The following FRAS1 variants were observed in gnomAD, a reference collection of about 807,000 sequenced individuals.
FRAS1 encodes Fraser extracellular matrix complex subunit 1.
Under a neutral mutation model 435.2 loss-of-function variants are expected in FRAS1, and 290 were observed. The ratio of observed to expected loss-of-function variants is 0.67; its 90% confidence interval spans 0.61 to 0.73. The LOEUF is 0.73. Ranked by LOEUF, FRAS1 falls within the 30% of genes least tolerant of loss-of-function variation. The probability of loss-of-function intolerance (pLI) is 0.00; values close to 1 mark genes in which losing one functional copy is unlikely to be tolerated. For missense variants in FRAS1, 4,860 were observed against 5,001.5 expected, an observed-to-expected ratio of 0.97 and a Z score of 0.85; for synonymous variants, 1,800 against 1,851.0, an observed-to-expected ratio of 0.97 and a Z score of 0.71.
intron 26 of FRAS1, among the ~76,000 whole-genome samples, chr4:78,378,328 G>A (rs1731864569): frequency 6.6e-6 from 1 of 152,128 alleles, no homozygotes; most frequent in African/African-American, 2.4e-5. Flanking sequence ...ATTAAACAAT[G>A]AATGGACTTT....
At position 78,451,778 on chromosome 4, in the gene FRAS1, T is replaced by A. The variant is rs749781497; in HGVS notation, c.6470T>A (p.Val2157Glu). ...TTTTTTTTCCTTTTTATAGGCCACGTAGAATATAGTCATGGAACAGGAGAA... is the reference window on the plus strand; with the variant it reads ...TTTTTTTTCCTTTTTATAGGCCACGAAGAATATAGTCATGGAACAGGAGAA... ...FTQADISQGH[V>E]EYSHGTGEPG... Residue 2157 changes from valine to glutamate, a missense_variant, in exon 46 of 74, where the codon GTA becomes GAA. Val to Glu is a moderately radical substitution (Grantham distance 121, BLOSUM62 -2). Coordinates refer to ENST00000512123, the MANE Select transcript of FRAS1 (RefSeq NM_025074.7). 6.2e-7 allele frequency: 1 copy of A among 1,604,192 alleles called. No homozygotes were observed. Among genetic ancestry groups the A allele is most frequent in the East Asian group, 2.2e-5 (1 of 44,828 alleles).
intron 2 of FRAS1, among the ~76,000 whole-genome samples, chr4:78,106,226 C>T (rs1450297683): frequency 1.1e-5 from 1 of 91,182 alleles, no homozygotes; most frequent in Non-Finnish European, 2.3e-5. Flanking sequence ...CTGGGAAGCT[C>T]GAACTGGGTG....
intron 12 of FRAS1, 107 bp downstream of exon 12, chr4:78,283,074 C>A: frequency 2.4e-6 from 2 of 822,962 alleles, no homozygotes; most frequent in Non-Finnish European, 3.4e-6. Flanking sequence ...TTTTAGTTAA[C>A]CAATGGGTTT....
intron 71 of FRAS1, among the ~76,000 whole-genome samples, chr4:78,535,746 C>T (rs933077071): frequency 3.9e-5 from 6 of 152,180 alleles, no homozygotes; most frequent in Non-Finnish European, 8.8e-5. Context: ...TTGTCCTTGA[C>T]CCATTTGCCA....
rs569853972 is a variant in FRAS1, at chr4:78,454,416, C to G, written c.6763+2062C>G. On this transcript the variant is annotated intron_variant, in intron 47 of 73. Transcript: ENST00000512123. ...CAATGGTGGAGGAGGGCATGTAGTA[C>G]GTGTATGGCAGGAGGGCATGCAGAG... Among the ~76,000 whole-genome samples, 4 of 152,104 alleles carry G rather than the reference C, an allele frequency of 2.6e-5. No homozygotes were observed. In the East Asian group the frequency reaches 7.7e-4, roughly 29 times the overall value.
At chr4:78,306,115 C>T (rs979116614) in intron 14 of FRAS1, among the ~76,000 whole-genome samples, 1 of 152,006 alleles carries the variant, frequency 6.6e-6, no homozygotes, top group Non-Finnish European at 1.5e-5. Flanking sequence ...TTCTTCTTCA[C>T]TTATGAAGGT....
chr4:78,179,666 T>C (rs1410618093), intron 2 of FRAS1, among the ~76,000 whole-genome samples: 1 of 152,212 alleles, frequency 6.6e-6, no homozygotes, highest in African/African-American at 2.4e-5. Flanking sequence ...TCTAAGGGAA[T>C]TGACTTTCAT....
intron 4 of FRAS1, among the ~76,000 whole-genome samples, chr4:78,247,452 T>A (rs953716756): frequency 6.6e-6 from 1 of 152,214 alleles, no homozygotes; most frequent in African/African-American, 2.4e-5. Context: ...GGATTTTTTT[T>A]AAGGCGAGAC....
chr4:78,412,133 T>C (rs1733363791), intron 31 of FRAS1, among the ~76,000 whole-genome samples: 1 of 149,892 alleles, frequency 6.7e-6, no homozygotes, highest in Non-Finnish European at 1.5e-5. Context: ...AGGCATCTGA[T>C]GTGATCAAGA....
chr4:78,295,722 T>C (rs1231259874), intron 14 of FRAS1, among the ~76,000 whole-genome samples: 1 of 152,106 alleles, frequency 6.6e-6, no homozygotes, highest in Non-Finnish European at 1.5e-5. Context: ...TCTTATTGTT[T>C]TGTATGCCTG....
rs751518402 is a variant in FRAS1, at chr4:78,387,368, T to A, written c.3649-7T>A. On this transcript the variant is annotated splice_region_variant and splice_polypyrimidine_tract_variant and intron_variant, in intron 28 of 73. Coordinates refer to ENST00000512123, the MANE Select transcript of FRAS1 (RefSeq NM_025074.7). ...TTAACTGACTCTTCTTCCCTTCAAC[T>A]CCACAGGCCCCCTATGTGCTGAGAA... 6.3e-7 allele frequency: 1 copy of A among 1,589,260 alleles called. No homozygotes were observed. Among genetic ancestry groups the A allele is most frequent in the South Asian group, 1.2e-5 (1 of 86,848 alleles).
intron 52 of FRAS1, 135 bp from the exon 53 acceptor site, chr4:78,473,303 T>C: frequency 3.2e-6 from 2 of 632,236 alleles, no homozygotes; most frequent in East Asian, 5.4e-5. Context: ...TAACAACTAC[T>C]ATACTTTTGG....
rs765465475 is a variant in FRAS1, at chr4:78,534,614, A to T, written c.11091A>T (p.Lys3697Asn). 2 of 1,612,246 alleles carry T rather than the reference A, an allele frequency of 1.2e-6. No individual in the cohort carries two copies. The highest frequency in any genetic ancestry group is 1.7e-6 in the Non-Finnish European group (2 of 1,178,840). Residue 3697 changes from lysine (K) to asparagine (N), a missense_variant and splice_region_variant, in exon 71 of 74, where the codon AAA (lysine) becomes AAT (asparagine). Physicochemically the swap from Lys to Asn is moderately conservative, Grantham distance 94. Coordinates refer to ENST00000512123, the MANE Select transcript of FRAS1 (RefSeq NM_025074.7). ...AEMDYKGAFSKGQILYGRVLW... is the reference protein window; with the variant it reads ...AEMDYKGAFSNGQILYGRVLW... ...TGGATTACAAAGGAGCCTTTTCAAA[A>T]GGTGAGTTGCTTCCTCCACCTGCAG...
At chr4:78,064,243 G>A (rs1006388655) in intron 1 of FRAS1, among the ~76,000 whole-genome samples, 1 of 150,594 alleles carries the variant, frequency 6.6e-6, no homozygotes, top group East Asian at 1.9e-4. Context: ...AATAGGGAGT[G>A]TCTATAAAAT....
At chr4:78,509,093 G>A in intron 63 of FRAS1, 87 bp downstream of exon 63, 3 of 1,422,608 alleles carry the variant, frequency 2.1e-6, no homozygotes, top group Non-Finnish European at 2.9e-6. Context: ...AATTCCTTAT[G>A]GTCCATGCAT....
Position 78,317,455 on chromosome 4 carries a change from A to G in FRAS1, c.1907A>G (p.His636Arg), listed in dbSNP as rs772407685. 2.5e-6 allele frequency: 4 copies of G among 1,613,890 alleles called. No individual in the cohort carries two copies. Among genetic ancestry groups the G allele is most frequent in the South Asian group, 1.1e-5 (1 of 91,074 alleles). Residue 636 changes from histidine (H) to arginine (R), a missense_variant, in exon 17 of 74, where the codon CAC becomes CGC. By Grantham distance (29) the His-to-Arg change is conservative (BLOSUM62 0). Coordinates refer to ENST00000512123, the MANE Select transcript of FRAS1 (RefSeq NM_025074.7). ...CCCCCCAAGGCTCTGCGTCAAGGCC[A>G]CTGTCTGCCCCGCTGTGGAGAGGGT... Reference protein sequence around the residue: ...CSPPKALRQGHCLPRCGEGFY... With the variant: ...CSPPKALRQGRCLPRCGEGFY...
chr4:78,422,904 T>A (rs149848807), intron 34 of FRAS1, among the ~76,000 whole-genome samples: 2,349 of 152,208 alleles, frequency 0.015, 74 homozygotes, highest in African/African-American at 0.053. Flanking sequence ...CAGGCAACCT[T>A]TTAGGATAAA....
rs57358727 is a variant in FRAS1 at position 78,135,810 on chromosome 4, G to A, written c.108+69794G>A. On this transcript the variant is annotated intron_variant, in intron 2 of 73. Transcript: ENST00000512123. ...TCCACACAACTGTATGTGGAAGTCC[G>A]GACTGAGGGTATACCGTCAATTCTC... Among the ~76,000 whole-genome samples, 902 of 152,242 alleles carry A rather than the reference G, an allele frequency of 5.9e-3. 10 individuals are homozygous for A. The highest frequency in any genetic ancestry group is 0.021 in the African/African-American group (863 of 41,524).
intron 2 of FRAS1, among the ~76,000 whole-genome samples, chr4:78,218,096 T>TCACACACACACACACA (rs1331078788): frequency 1.9e-4 from 2 of 10,698 alleles, no homozygotes; most frequent in African/African-American, 1.5e-4. Context: ...TCTCACTCTC[T>TCACACACACACACACA]CTCACACACA....
Sources: allele counts gnomAD v4.1 joint callset (sites outside exome capture counted in the v4.1 genomes callset), GRCh38; gene constraint gnomAD v4.1.1; transcripts MANE v1.5; gene names NCBI Gene and HGNC (gene_info 2026-07-23, HGNC 2026-07-21).